Variants in MAT2A observed in about 807,000 individuals in gnomAD.
MAT2A encodes the protein methionine adenosyltransferase 2A, also known as S-adenosylmethionine synthase isoform type-2.
Under a neutral mutation model 43.9 loss-of-function variants are expected in MAT2A, and 3 were observed. That is an observed-to-expected ratio of 0.07 (90% CI 0.03 to 0.18). The LOEUF is 0.18. MAT2A is among the 10% of genes least tolerant of loss of function. The probability of loss-of-function intolerance (pLI) is 1.00; values close to 1 mark genes in which losing one functional copy is unlikely to be tolerated. For synonymous variants in MAT2A, 200 were observed against 168.4 expected, an observed-to-expected ratio of 1.19 and a Z score of -1.45; for missense variants, 204 against 489.0, an observed-to-expected ratio of 0.42 and a Z score of 5.50.
rs114500620 is a variant in MAT2A at position 85,541,810 on chromosome 2, G to A, written c.406-19G>A. 1.4e-3 allele frequency: 2,191 copies of A among 1,613,828 alleles called. 26 individuals carry two copies. In the African/African-American group the frequency reaches 0.024, roughly 18 times the overall value. Reference sequence around the variant, plus strand: ...TAAATTCTGGAGCTTGATCACATTGGTGACTTTTCTTTCTTTAGGGCTTAA... The same window carrying A: ...TAAATTCTGGAGCTTGATCACATTGATGACTTTTCTTTCTTTAGGGCTTAA... On this transcript the variant is annotated intron_variant, in intron 4 of 8. Coordinates refer to ENST00000306434, the MANE Select transcript of MAT2A (RefSeq NM_005911.6).
chr2:85,539,196 A>T lies in MAT2A; in HGVS notation c.-92A>T. 1.1e-6 allele frequency: 1 copy of T among 903,216 alleles called. No individual in the cohort carries two copies. The highest frequency in any genetic ancestry group is 2.9e-5 in the East Asian group (1 of 34,100). The allele number at this position is 903,216 out of a possible 1,614,324, so 56.0% of individuals were successfully genotyped here. A position where few individuals can be genotyped will look rare whatever the true frequency, so the allele number is the denominator to read the frequency against. On this transcript the variant is annotated 5_prime_UTR_variant, in exon 1 of 9. Transcript: ENST00000306434. ...CGCTCCGCGCCGCCCGCCTGCTACGAGTAGAACGCTGTCCGCAGCTTGCGC... is the reference window on the plus strand; with the variant it reads ...CGCTCCGCGCCGCCCGCCTGCTACGTGTAGAACGCTGTCCGCAGCTTGCGC...
intron 1 of MAT2A, among the ~76,000 whole-genome samples, chr2:85,540,212 C>T (rs58285803): frequency 6.6e-6 from 1 of 152,234 alleles, no homozygotes; most frequent in Non-Finnish European, 1.5e-5. Flanking sequence ...AGCTATATTT[C>T]CAGGAACTGA....
At position 85,544,867 on chromosome 2, in the gene MAT2A, C is replaced by T. The variant is rs976460747; in HGVS notation, c.*1095C>T. ...TTCATACTTGAACGTTTTCTAATTG[C>T]TTATTTATTGTATTCTGGGGTATGG... On this transcript the variant is annotated 3_prime_UTR_variant, in exon 9 of 9. Transcript: ENST00000306434. 6.6e-6 allele frequency: 1 copy of T among 152,566 alleles called. No individual in the cohort carries two copies. The highest frequency in any genetic ancestry group is 2.4e-5 in the African/African-American group (1 of 41,438). 9.5% of individuals were successfully genotyped at this position (152,566 alleles called of 1,614,324 possible). A position where few individuals can be genotyped will look rare whatever the true frequency, so the allele number is the denominator to read the frequency against.
At chr2:85,539,605 C>A in intron 1 of MAT2A, 1 of 415,556 alleles carries the variant, frequency 2.4e-6, no homozygotes, top group Non-Finnish European at 4.3e-6. Flanking sequence ...CCTCCCTTTT[C>A]ATTCGGTCGC....
intron 1 of MAT2A, chr2:85,539,596 C>A (rs989337778): frequency 2.3e-6 from 1 of 435,256 alleles, no homozygotes; most frequent in Non-Finnish European, 4.1e-6. Flanking sequence ...CCCTTCCCCC[C>A]TCCCTTTTCA....
Position 85,539,321 on chromosome 2 carries a change from TTCA to T in MAT2A, c.37_39del (p.Ile13del). On this transcript the variant is annotated inframe_deletion, in exon 1 of 9. Coordinates refer to ENST00000306434, the MANE Select transcript of MAT2A (RefSeq NM_005911.6). ...ACAGCTCAACGGCTTCCACGAGGCG[TTCA>T]TCGAGGAGGGCACATTCCTTTTCAC... The T allele has an allele frequency of 6.2e-7, 1 of 1,606,404 alleles. No homozygotes were observed. Among genetic ancestry groups the T allele is most frequent in the South Asian group, 1.1e-5 (1 of 90,166 alleles).
intron 2 of MAT2A, 30 bp from the exon 3 acceptor site, chr2:85,541,225 A>G: frequency 6.2e-7 from 1 of 1,613,112 alleles, no homozygotes; most frequent in Non-Finnish European, 8.5e-7. Context: ...TATAGAAGTG[A>G]TGTTTGAGTT....
chr2:85,541,587 A>G (rs563792012), intron 3 of MAT2A, 46 bp from the exon 4 acceptor site: 6 of 1,429,182 alleles, frequency 4.2e-6, no homozygotes, highest in Admixed American at 2.0e-5. Flanking sequence ...TGTAAACAGC[A>G]GGTATTTCTA....
At chr2:85,540,146 G>A (rs566183185) in intron 1 of MAT2A, 6 of 152,322 alleles carry the variant, frequency 3.9e-5, no homozygotes, top group South Asian at 2.1e-4. Flanking sequence ...TTTACTTGAG[G>A]CTTTGTCCGC....
rs771113429 is a variant in MAT2A at position 85,542,879 on chromosome 2, TACG to T, written c.952-19_952-17del. ...ATGGGTCTTTGCAATCACTGATTCTTACGACATTTGAATCCTTTTAGGTCTCTT... is the reference window on the plus strand; with the variant it reads ...ATGGGTCTTTGCAATCACTGATTCTTACATTTGAATCCTTTTAGGTCTCTT... On this transcript the variant is annotated intron_variant, in intron 7 of 8. Transcript: ENST00000306434. 2 of 1,606,676 alleles carry T rather than the reference TACG, an allele frequency of 1.2e-6. No homozygotes were observed. Among genetic ancestry groups the T allele is most frequent in the Non-Finnish European group, 1.7e-6 (2 of 1,176,674 alleles).
intron 8 of MAT2A, 47 bp from the exon 9 acceptor site, chr2:85,543,623 A>C (rs551353809): frequency 1.7e-6 from 2 of 1,157,488 alleles, no homozygotes; most frequent in African/African-American, 1.5e-5. Flanking sequence ...GTTTTGCTTT[A>C]TTTTAATTTA....
At chr2:85,540,692 TTTTCA>T (rs1226347002) in intron 1 of MAT2A, among the ~76,000 whole-genome samples, 3 of 152,234 alleles carry the variant, frequency 2.0e-5, no homozygotes, top group Non-Finnish European at 2.9e-5. Context: ...CAGAAAATGC[TTTTCA>T]TTTAATTGTT....
At chr2:85,539,430 AG>A (rs1406522847) in intron 1 of MAT2A, 52 bp downstream of exon 1, 22 of 1,448,864 alleles carry the variant, frequency 1.5e-5, no homozygotes, top group Non-Finnish European at 2.1e-5. Flanking sequence ...GGCAGCGCCA[AG>A]GTCCGGCTGG....
intron 3 of MAT2A, 57 bp downstream of exon 3, chr2:85,541,434 A>G (rs746264708): frequency 6.9e-6 from 11 of 1,583,418 alleles, no homozygotes; most frequent in Middle Eastern, 2.3e-4. Context: ...AGGTTTGAAG[A>G]AACTCCTAGA....
rs1409644134 is a variant in MAT2A at position 85,544,007 on chromosome 2, T to G, written c.*235T>G. ...TTATAATGAATTTAGTGAGCATAGG[T>G]GATCCATGTAACTGCCTAGAAACAA... On this transcript the variant is annotated 3_prime_UTR_variant, in exon 9 of 9. Transcript: ENST00000306434. 2.6e-6 allele frequency: 1 copy of G among 386,794 alleles called. No individual in the cohort carries two copies. 24.0% of individuals were successfully genotyped at this position (386,794 alleles called of 1,614,324 possible).
In MAT2A at chr2:85,543,196, G is replaced by A. The variant is rs567654067; in HGVS notation, c.1085+162G>A. The A allele has an allele frequency of 5.2e-5, 39 of 753,150 alleles. 1 individual carries two copies. In the African/African-American group the frequency reaches 5.6e-4, roughly 11 times the overall value. 46.7% of individuals were successfully genotyped at this position (753,150 alleles called of 1,614,324 possible). A position where few individuals can be genotyped will look rare whatever the true frequency, so the allele number is the denominator to read the frequency against. ...GAACTGCTGCCTTAGTGAAGACTTA[G>A]TTATTTGAGAAATTTAAAATTACGG... On this transcript the variant is annotated intron_variant, in intron 8 of 8. Transcript: ENST00000306434.
intron 1 of MAT2A, 28 bp downstream of exon 1, chr2:85,539,406 G>A: frequency 6.4e-7 from 1 of 1,570,730 alleles, no homozygotes; most frequent in South Asian, 1.1e-5. Flanking sequence ...AGCGAAGCGT[G>A]GGGCGGGGCA....
At chr2:85,543,556 C>T (rs2103921035) in intron 8 of MAT2A, 114 bp from the exon 9 acceptor site, 1 of 680,482 alleles carries the variant, frequency 1.5e-6, no homozygotes, top group Non-Finnish European at 2.5e-6. Context: ...AATTTTTTTC[C>T]TAGCATATCC....
intron 1 of MAT2A, chr2:85,539,660 G>T (rs1691410300): frequency 6.7e-6 from 2 of 298,170 alleles, no homozygotes; most frequent in Non-Finnish European, 1.2e-5. Context: ...AAGGGCGGGG[G>T]CTGTGGTCGC....
Sources: allele counts gnomAD v4.1 joint callset (sites outside exome capture counted in the v4.1 genomes callset), GRCh38; gene constraint gnomAD v4.1.1; transcripts MANE v1.5; gene names NCBI Gene and HGNC (gene_info 2026-07-23, HGNC 2026-07-21).